BCLAF3: variants seen among roughly 807,000 people sequenced by gnomAD.
The protein encoded by BCLAF3 is transient octamer binding factor 1.
Under a neutral mutation model 51.2 loss-of-function variants are expected in BCLAF3, and 24 were observed. The ratio of observed to expected loss-of-function variants is 0.47; its 90% CI spans 0.34 to 0.66. The LOEUF is 0.66. Ranked by LOEUF, BCLAF3 falls within the 30% of genes least tolerant of loss-of-function variation. The pLI is 0.01. For synonymous variants in BCLAF3, 152 were observed against 176.6 expected (o/e 0.86, Z 1.10); for missense variants, 465 against 525.1 (o/e 0.89, Z 1.12).
Position 19,952,990 on chromosome X carries a change from G to C in BCLAF3, c.1627C>G (p.Gln543Glu), listed in dbSNP as rs1421314684. Residue 543 changes from glutamine (Q) to glutamate (E), a missense_variant and splice_region_variant, in exon 7 of 12, where the codon CAG becomes GAG. Gln to Glu is a conservative substitution (Grantham distance 29). Coordinates refer to ENST00000379682, the MANE Select transcript of BCLAF3 (RefSeq NM_001367774.2). ...SKQAVIYESE[Q>E]TLIKIIDPND... ...CATCAAAAATTGTATTCACTAACCTGTTCCGATTCATAGATCACAGCTTGT... is the reference window on the plus strand; with the variant it reads ...CATCAAAAATTGTATTCACTAACCTCTTCCGATTCATAGATCACAGCTTGT... The C allele has an allele frequency of 1.7e-6, 2 of 1,202,214 alleles. No homozygotes were observed. Among genetic ancestry groups the C allele is most frequent in the Non-Finnish European group, 2.2e-6 (2 of 890,029 alleles).
In BCLAF3 at chrX:19,925,352, T is replaced by C. The variant is rs780857479; in HGVS notation, c.2106+4433A>G. ...GAGTGATCACTCCAGCATTTCAATA[T>C]GGCAGGGGAGTGAGGAGTCCAGATA... is the stretch of plus-strand genomic sequence containing the variant. On this transcript the variant is annotated intron_variant, in intron 11 of 11. Transcript: ENST00000379682. Among the ~76,000 whole-genome samples the C allele has an allele frequency of 9.9e-5, 11 of 110,896 alleles. No individual in the cohort carries two copies. The East Asian group carries it at 1.1e-3, about 11-fold the overall frequency.
At chrX:19,973,994 T>C (rs905809425) in intron 1 of BCLAF3, among the ~76,000 whole-genome samples, 4 of 112,129 alleles carry the variant, frequency 3.6e-5, no homozygotes, top group African/African-American at 1.3e-4. Flanking sequence ...TCTCAGTTAC[T>C]GCTAGGTGAA....
At chrX:19,939,541 T>G (rs1157564759) in intron 8 of BCLAF3, among the ~76,000 whole-genome samples, 1 of 111,762 alleles carries the variant, frequency 8.9e-6, no homozygotes, top group Non-Finnish European at 1.9e-5. Flanking sequence ...ATTAGAGAAA[T>G]GCAAATCAAA....
intron 1 of BCLAF3, among the ~76,000 whole-genome samples, chrX:19,978,428 A>G (rs1337231901): frequency 1.8e-5 from 2 of 111,977 alleles, no homozygotes; most frequent in Non-Finnish European, 3.8e-5. Context: ...GAGGAAGTCA[A>G]TGCAGATGTG....
rs111474868 is a variant in BCLAF3 at position 19,978,017 on chromosome X, C to CA, written c.-34-7720dup. On this transcript the variant is annotated intron_variant, in intron 1 of 11. Transcript: ENST00000379682. ...AAGCCCAATGTTGAGACCTACTGCT[C>CA]AAAAAAAAAAAAGATTCCTTTCAAA... 1.8e-3 allele frequency among the ~76,000 whole-genome samples: 175 copies of CA among 97,902 alleles called. 1 individual carries two copies. The highest frequency in any genetic ancestry group is 4.5e-3 in the African/African-American group (121 of 26,973). 85.0% of individuals were successfully genotyped at this position (97,902 alleles called of 115,157 possible).
At position 19,985,479 on chromosome X, in the gene BCLAF3, G is replaced by A. The variant is rs183623560; in HGVS notation, c.-35+5429C>T. 5.0e-4 allele frequency among the ~76,000 whole-genome samples: 55 copies of A among 110,735 alleles called. 1 individual carries two copies. Among genetic ancestry groups the A allele is most frequent in the Non-Finnish European group, 6.2e-4 (33 of 52,873 alleles). Reference sequence around the variant, plus strand: ...CACACGCCTGTAGTCCTAGCTTCTCGGGAGGTTGAGGCAGGGGGATTGCTA... The same window carrying A: ...CACACGCCTGTAGTCCTAGCTTCTCAGGAGGTTGAGGCAGGGGGATTGCTA... On this transcript the variant is annotated intron_variant, in intron 1 of 11. Transcript: ENST00000379682.
Sources: allele counts gnomAD v4.1 joint callset (sites outside exome capture counted in the v4.1 genomes callset), GRCh38; gene constraint gnomAD v4.1.1; transcripts MANE v1.5; gene names NCBI Gene and HGNC (gene_info 2026-07-23, HGNC 2026-07-21).